Variants in SH3GLB1 observed in about 807,000 individuals in gnomAD.
The protein encoded by SH3GLB1 is SH3 domain containing GRB2 like, endophilin B1.
SH3GLB1 carries 17 observed loss-of-function variants against 42.0 expected under a neutral mutation model. That is an observed-to-expected ratio of 0.40 (90% CI 0.28 to 0.61). The LOEUF is 0.61. Ranked by LOEUF, SH3GLB1 falls within the 20% of genes least tolerant of loss-of-function variation. The probability of loss-of-function intolerance (pLI) is 0.36; values close to 1 mark genes in which losing one functional copy is unlikely to be tolerated. For synonymous variants in SH3GLB1, 132 were observed against 146.6 expected (o/e 0.90, Z 0.72); for missense variants, 355 against 426.3 (o/e 0.83, Z 1.47).
In SH3GLB1 at chr1:86,745,613, C is replaced by T. The variant is rs183730198; in HGVS notation, c.*2378C>T. 2 of 152,298 alleles carry T rather than the reference C, an allele frequency of 1.3e-5. No homozygotes were observed. Among genetic ancestry groups the T allele is most frequent in the African/African-American group, 2.4e-5 (1 of 41,554 alleles). 9.4% of individuals were successfully genotyped at this position (152,298 alleles called of 1,614,324 possible). On this transcript the variant is annotated 3_prime_UTR_variant, in exon 9 of 9. Coordinates refer to ENST00000370558, the MANE Select transcript of SH3GLB1 (RefSeq NM_016009.5). ...TACAGAAACCTTCAATAATGTTAAG[C>T]TTCAAAGGCTTCTGGTACGTTTGTC...
chr1:86,735,298 CT>C lies in SH3GLB1; in HGVS notation c.761+127del, dbSNP rs577654109. The C allele has an allele frequency of 2.4e-4, 143 of 601,024 alleles. 2 individuals carry two copies. In the South Asian group the frequency reaches 2.4e-3, roughly 10 times the overall value. 37.2% of individuals were successfully genotyped at this position (601,024 alleles called of 1,614,324 possible). On this transcript the variant is annotated intron_variant, in intron 7 of 8. Transcript: ENST00000370558. ...TTACTAGCTTTCTTAGAAATAGTTTCTTTTTTTTAAGGAAAGTAATTATCAG... is the reference window on the plus strand; with the variant it reads ...TTACTAGCTTTCTTAGAAATAGTTTCTTTTTTTAAGGAAAGTAATTATCAG...
chr1:86,715,929 A>G (rs1219486446), intron 2 of SH3GLB1, 64 bp downstream of exon 2: 1 of 1,537,312 alleles, frequency 6.5e-7, no homozygotes, highest in Non-Finnish European at 8.7e-7. Context: ...GTTAAAAAAA[A>G]AAGTTTTAAT....
Position 86,704,885 on chromosome 1 carries a change from C to G in SH3GLB1, c.-15C>G. 1 of 1,558,100 alleles carries G rather than the reference C, an allele frequency of 6.4e-7. No individual in the cohort carries two copies. Among genetic ancestry groups the G allele is most frequent in the Non-Finnish European group, 8.7e-7 (1 of 1,154,350 alleles). On this transcript the variant is annotated 5_prime_UTR_variant, in exon 1 of 9. Transcript: ENST00000370558. ...CGCCGCTAGGTCGGCCGGCTCCGCCCGGCTGCCGCCTAGGATGAATATCAT... is the reference window on the plus strand; with the variant it reads ...CGCCGCTAGGTCGGCCGGCTCCGCCGGGCTGCCGCCTAGGATGAATATCAT...
chr1:86,734,498 A>C, intron 5 of SH3GLB1, 104 bp from the exon 6 acceptor site: 1 of 789,512 alleles, frequency 1.3e-6, no homozygotes, highest in Non-Finnish European at 2.1e-6. Context: ...GCCAGATTAT[A>C]ACTTGAGGTT....
At chr1:86,726,173 C>T (rs921856629) in intron 5 of SH3GLB1, among the ~76,000 whole-genome samples, 1 of 151,954 alleles carries the variant, frequency 6.6e-6, no homozygotes. Context: ...TGTCTTTATT[C>T]AAGATGCCTA....
Position 86,739,656 on chromosome 1 carries a change from T to C in SH3GLB1, c.762-2552T>C, listed in dbSNP as rs573461280. Among the ~76,000 whole-genome samples the C allele has an allele frequency of 2.6e-5, 4 of 152,088 alleles. No individual in the cohort carries two copies. In the South Asian group the frequency reaches 8.3e-4, roughly 32 times the overall value. ...GAGGAGAAAGTGGGGTCTAGCAATTTTTTGCTTGTTTTTTAAGATAGGAGA... is the reference window on the plus strand; with the variant it reads ...GAGGAGAAAGTGGGGTCTAGCAATTCTTTGCTTGTTTTTTAAGATAGGAGA... On this transcript the variant is annotated intron_variant, in intron 7 of 8. Coordinates refer to ENST00000370558, the MANE Select transcript of SH3GLB1 (RefSeq NM_016009.5).
At chr1:86,734,730 C>A in intron 6 of SH3GLB1, 39 bp downstream of exon 6, 1 of 1,519,020 alleles carries the variant, frequency 6.6e-7, no homozygotes, top group Non-Finnish European at 9.1e-7. Flanking sequence ...TGGAACAAGA[C>A]TTTGGTAGTC....
At chr1:86,735,760 A>T (rs759140874) in intron 7 of SH3GLB1, among the ~76,000 whole-genome samples, 1 of 152,220 alleles carries the variant, frequency 6.6e-6, no homozygotes, top group Non-Finnish European at 1.5e-5. Context: ...ACAGGCAAAG[A>T]TGCTTGCCTT....
At chr1:86,716,579 C>T (rs1654547558) in intron 2 of SH3GLB1, among the ~76,000 whole-genome samples, 3 of 152,144 alleles carry the variant, frequency 2.0e-5, no homozygotes, top group South Asian at 4.1e-4. Context: ...CACTGCGCCC[C>T]GCCTATGTTT....
At chr1:86,705,356 C>T (rs1653792420) in intron 1 of SH3GLB1, among the ~76,000 whole-genome samples, 1 of 152,174 alleles carries the variant, frequency 6.6e-6, no homozygotes, top group Admixed American at 6.5e-5. Flanking sequence ...TCTTGCACTA[C>T]CCCCCACCCT....
intron 7 of SH3GLB1, among the ~76,000 whole-genome samples, chr1:86,736,471 A>G (rs1192633820): frequency 2.0e-5 from 3 of 152,184 alleles, no homozygotes; most frequent in Non-Finnish European, 2.9e-5. Context: ...ACATAACTAT[A>G]TATTTGAGGT....
chr1:86,707,971 G>C (rs993440658), intron 1 of SH3GLB1, among the ~76,000 whole-genome samples: 19 of 152,028 alleles, frequency 1.2e-4, no homozygotes, highest in Non-Finnish European at 7.4e-5. Context: ...TATTTCAAAA[G>C]AAAAAAACAG....
chr1:86,706,513 G>A (rs1032437323), intron 1 of SH3GLB1, among the ~76,000 whole-genome samples: 5 of 152,260 alleles, frequency 3.3e-5, no homozygotes, highest in Non-Finnish European at 1.5e-5. Context: ...TTAAAATAAT[G>A]TTTTGATTTA....
intron 1 of SH3GLB1, among the ~76,000 whole-genome samples, chr1:86,714,881 G>T (rs141106538): frequency 3.2e-4 from 49 of 152,314 alleles, no homozygotes; most frequent in African/African-American, 1.1e-3. Flanking sequence ...GATCTACACA[G>T]AATCTTTTTA....
chr1:86,742,647 A>C (rs1274267602), intron 8 of SH3GLB1, among the ~76,000 whole-genome samples: 1 of 152,184 alleles, frequency 6.6e-6, no homozygotes, highest in Non-Finnish European at 1.5e-5. Flanking sequence ...GAAGATGTAT[A>C]AAACTCCCTC....
intron 5 of SH3GLB1, among the ~76,000 whole-genome samples, chr1:86,727,300 T>C (rs910988863): frequency 2.0e-5 from 3 of 151,910 alleles, no homozygotes; most frequent in Admixed American, 1.3e-4. Flanking sequence ...CTCAAAAATA[T>C]ACCAATTAAG....
At chr1:86,710,997 A>T (rs1295896772) in intron 1 of SH3GLB1, among the ~76,000 whole-genome samples, 1 of 152,246 alleles carries the variant, frequency 6.6e-6, no homozygotes, top group African/African-American at 2.4e-5. Flanking sequence ...GGGTTGGATC[A>T]GACCAGACAT....
chr1:86,715,882 C>T lies in SH3GLB1; in HGVS notation c.214+17C>T, dbSNP rs776094941. Reference sequence around the variant, plus strand: ...CAAATCCAAGTAAGAAACTCTACCTCTTGTGTACCTTAAGTACTATTAGTG... The same window carrying T: ...CAAATCCAAGTAAGAAACTCTACCTTTTGTGTACCTTAAGTACTATTAGTG... On this transcript the variant is annotated intron_variant, in intron 2 of 8. Coordinates refer to ENST00000370558, the MANE Select transcript of SH3GLB1 (RefSeq NM_016009.5). The T allele has an allele frequency of 9.4e-6, 15 of 1,599,818 alleles. No homozygotes were observed. The Admixed American group carries it at 2.5e-4, about 27-fold the overall frequency.
In SH3GLB1 at chr1:86,704,982, G is replaced by T. The variant is rs755685692; in HGVS notation, c.72+11G>T. 46 of 1,562,502 alleles carry T rather than the reference G, an allele frequency of 2.9e-5. No individual in the cohort carries two copies. The highest frequency in any genetic ancestry group is 3.8e-5 in the Non-Finnish European group (44 of 1,155,340). ...AGTCGCGCCGTGCAGGTACCCTGGT[G>T]CTGGGGGGAAAAGGGGTGGCGGCGC... On this transcript the variant is annotated intron_variant, in intron 1 of 8. Transcript: ENST00000370558.
Sources: gnomAD v4.1 joint callset for allele counts (sites outside exome capture counted in the v4.1 genomes callset) on GRCh38, gnomAD v4.1.1 for gene constraint, MANE v1.5 for transcripts, NCBI Gene and HGNC (gene_info 2026-07-23, HGNC 2026-07-21) for gene names.